The following SLC9A9 variants were observed in gnomAD, a reference collection of about 807,000 sequenced individuals.
SLC9A9 encodes the protein sodium/hydrogen exchanger 9.
Under a neutral mutation model 77.8 loss-of-function variants are expected in SLC9A9, and 62 were observed. The ratio of observed to expected loss-of-function variants is 0.80; its 90% CI spans 0.65 to 0.98. The LOEUF (loss-of-function observed/expected upper bound fraction) is 0.98, where lower values mean the gene tolerates loss of function less well. Ranked by LOEUF, SLC9A9 falls within the 50% of genes least tolerant of loss-of-function variation. The pLI, the probability that SLC9A9 is intolerant of heterozygous loss-of-function variation, is 0.00. For synonymous variants in SLC9A9, 320 were observed against 283.5 expected (o/e 1.13, Z -1.29); for missense variants, 775 against 774.9 (o/e 1.00, Z 0.00).
chr3:143,334,453 T>A (rs909275706), intron 14 of SLC9A9, among the ~76,000 whole-genome samples: 2 of 152,254 alleles, frequency 1.3e-5, no homozygotes, highest in African/African-American at 2.4e-5. Flanking sequence ...CTGGAGGGAC[T>A]ATCTCATAAT....
intron 4 of SLC9A9, among the ~76,000 whole-genome samples, chr3:143,710,647 G>T (rs1160313539): frequency 6.6e-6 from 1 of 152,232 alleles, no homozygotes; most frequent in East Asian, 1.9e-4. Context: ...AACCTGGTTT[G>T]TATCAGAACA....
At chr3:143,824,290 AG>A in intron 2 of SLC9A9, among the ~76,000 whole-genome samples, 1 of 152,024 alleles carries the variant, frequency 6.6e-6, no homozygotes, top group Non-Finnish European at 1.5e-5. Context: ...AAGAGCTGGC[AG>A]GAAAAAAAAA....
intron 12 of SLC9A9, among the ~76,000 whole-genome samples, chr3:143,462,119 C>T (rs2035204155): frequency 6.6e-6 from 1 of 152,122 alleles, no homozygotes; most frequent in Non-Finnish European, 1.5e-5. Flanking sequence ...GTAATGCCAG[C>T]ACTTCGGAAG....
At chr3:143,298,015 C>T (rs2030354881) in intron 14 of SLC9A9, among the ~76,000 whole-genome samples, 1 of 152,152 alleles carries the variant, frequency 6.6e-6, no homozygotes, top group South Asian at 2.1e-4. Flanking sequence ...AAAAAAATCA[C>T]CCATGGAGGC....
Position 143,265,971 on chromosome 3 carries a change from G to T in SLC9A9, c.*731C>A. ...AGGCTTGTTCTTCAGGCACAACGTG[G>T]TATGGGGAGAAGAAACCTGGTTTTC... On this transcript the variant is annotated 3_prime_UTR_variant, in exon 16 of 16. Transcript: ENST00000316549. 2.9e-6 allele frequency: 2 copies of T among 685,454 alleles called. No homozygotes were observed. The allele number at this position is 685,454 out of a possible 1,614,324, so 42.5% of individuals were successfully genotyped here.
chr3:143,754,831 G>A (rs983813776), intron 4 of SLC9A9, among the ~76,000 whole-genome samples: 1 of 152,204 alleles, frequency 6.6e-6, no homozygotes, highest in Non-Finnish European at 1.5e-5. Context: ...CTTTCTCCAT[G>A]TATGGTGAGG....
chr3:143,746,933 G>T lies in SLC9A9; in HGVS notation c.533+48068C>A, dbSNP rs187624632. On this transcript the variant is annotated intron_variant, in intron 4 of 15. Transcript: ENST00000316549. ...TATTTCTCTCTTCATATTAAACCAGGTAATGAGTTTAATTGTTTTTTCCTT... is the reference window on the plus strand; with the variant it reads ...TATTTCTCTCTTCATATTAAACCAGTTAATGAGTTTAATTGTTTTTTCCTT... Among the ~76,000 whole-genome samples the T allele has an allele frequency of 2.4e-3, 368 of 152,120 alleles. 1 individual carries two copies. The highest frequency in any genetic ancestry group is 3.9e-3 in the Non-Finnish European group (267 of 68,010).
rs748982877 is a variant in SLC9A9 at position 143,778,037 on chromosome 3, C to CAAAAAAAA, written c.533+16956_533+16963dup. Among the ~76,000 whole-genome samples, 5 of 75,570 alleles carry CAAAAAAAA rather than the reference C, an allele frequency of 6.6e-5. 1 individual carries two copies. The highest frequency in any genetic ancestry group is 2.0e-4 in the African/African-American group (4 of 19,904). 49.6% of individuals were successfully genotyped at this position (75,570 alleles called of 152,430 possible). On this transcript the variant is annotated intron_variant, in intron 4 of 15. Coordinates refer to ENST00000316549, the MANE Select transcript of SLC9A9 (RefSeq NM_173653.4). ...CCGTCACTGATACTTTTATAAAATG[C>CAAAAAAAA]AAAAAAAAAAAAAAAGATGCTGAAT...
chr3:143,714,138 G>A (rs914293747), intron 4 of SLC9A9, among the ~76,000 whole-genome samples: 1 of 152,086 alleles, frequency 6.6e-6, no homozygotes, highest in African/African-American at 2.4e-5. Flanking sequence ...TAACTCCTCC[G>A]AATTGGGACA....
At chr3:143,374,271 A>C (rs2108492645) in intron 13 of SLC9A9, among the ~76,000 whole-genome samples, 1 of 151,958 alleles carries the variant, frequency 6.6e-6, no homozygotes. Context: ...TGAAAATATA[A>C]AAAATTAGCC....
chr3:143,646,958 G>C (rs2038717120), intron 6 of SLC9A9, among the ~76,000 whole-genome samples: 1 of 152,070 alleles, frequency 6.6e-6, no homozygotes, highest in South Asian at 2.1e-4. Context: ...ATCTTATTTA[G>C]TATAGCTGTT....
At chr3:143,417,059 G>A (rs944039175) in intron 12 of SLC9A9, among the ~76,000 whole-genome samples, 12 of 152,264 alleles carry the variant, frequency 7.9e-5, no homozygotes, top group Non-Finnish European at 1.6e-4. Flanking sequence ...CTGGTATGCT[G>A]ACGTTTGCCA....
intron 12 of SLC9A9, among the ~76,000 whole-genome samples, chr3:143,405,661 CA>C (rs1271396279): frequency 6.6e-6 from 1 of 152,218 alleles, no homozygotes; most frequent in Non-Finnish European, 1.5e-5. Context: ...ATTTGCAACA[CA>C]GAGCTGAGGG....
chr3:143,682,927 G>A (rs2108774764), intron 5 of SLC9A9, among the ~76,000 whole-genome samples: 1 of 152,160 alleles, frequency 6.6e-6, no homozygotes, highest in East Asian at 1.9e-4. Context: ...ACATTTCAAG[G>A]TCCTTAATTT....
At chr3:143,665,232 A>G (rs1203243420) in intron 5 of SLC9A9, among the ~76,000 whole-genome samples, 1 of 152,270 alleles carries the variant, frequency 6.6e-6, no homozygotes, top group East Asian at 1.9e-4. Flanking sequence ...CTCCTGAATG[A>G]CTATGGGGTA....
intron 8 of SLC9A9, among the ~76,000 whole-genome samples, chr3:143,568,983 A>G (rs2108653062): frequency 6.6e-6 from 1 of 152,300 alleles, no homozygotes; most frequent in Non-Finnish European, 1.5e-5. Context: ...AGAAATTTGT[A>G]GGTCTAATGT....
chr3:143,506,990 C>T (rs2036030759), intron 9 of SLC9A9, among the ~76,000 whole-genome samples: 1 of 151,992 alleles, frequency 6.6e-6, no homozygotes, highest in Non-Finnish European at 1.5e-5. Context: ...CACATTATCA[C>T]ATTTTTCAAA....
chr3:143,415,107 G>T (rs1023300917), intron 12 of SLC9A9, among the ~76,000 whole-genome samples: 2 of 152,224 alleles, frequency 1.3e-5, no homozygotes, highest in Non-Finnish European at 2.9e-5. Flanking sequence ...TCAATTCTGT[G>T]AAGATTGAGA....
chr3:143,545,521 G>T (rs1388730012), intron 9 of SLC9A9, among the ~76,000 whole-genome samples: 1 of 152,168 alleles, frequency 6.6e-6, no homozygotes, highest in Admixed American at 6.5e-5. Flanking sequence ...TGCAACTACT[G>T]TAGTTCTTAG....
Sources: allele counts gnomAD v4.1 joint callset (sites outside exome capture counted in the v4.1 genomes callset), GRCh38; gene constraint gnomAD v4.1.1; transcripts MANE v1.5; gene names NCBI Gene and HGNC (gene_info 2026-07-23, HGNC 2026-07-21).